DAAM2: variants seen among roughly 807,000 people sequenced by gnomAD.
DAAM2 encodes dishevelled associated activator of morphogenesis 2, also known as disheveled-associated activator of morphogenesis 2.
DAAM2 carries 39 observed loss-of-function variants against 120.7 expected under a neutral mutation model. The ratio of observed to expected loss-of-function variants is 0.32; its 90% CI spans 0.25 to 0.42. The LOEUF (loss-of-function observed/expected upper bound fraction) is 0.42. Among genes scored for constraint, DAAM2 ranks in the 10% least tolerant of loss-of-function variants. DAAM2 has a pLI of 1.00. For missense variants in DAAM2, 1,283 were observed against 1,401.7 expected (o/e 0.92, Z 1.35); for synonymous variants, 488 against 524.9 (o/e 0.93, Z 0.96).
chr6:39,856,110 C>CGGG, intron 1 of DAAM2, 137 bp from the exon 2 acceptor site: 1 of 412,844 alleles, frequency 2.4e-6, no homozygotes, highest in Non-Finnish European at 3.7e-6. Context: ...GGGGCGACAG[C>CGGG]GGGGTGGGTG....
intron 3 of DAAM2, chr6:39,862,280 A>C (rs1056251367): frequency 3.3e-5 from 5 of 152,250 alleles, no homozygotes; most frequent in African/African-American, 1.2e-4. Flanking sequence ...TGTCTAGTAT[A>C]CTCAATGCAT....
chr6:39,878,106 A>C lies in DAAM2; in HGVS notation c.1302-97A>C, dbSNP rs1764945449. ...GATGTGGCTGGACAGATTGGAGACC[A>C]GGGTCCCCACCTGGAGGGTAGAAAG... On this transcript the variant is annotated intron_variant, in intron 11 of 24. Coordinates refer to ENST00000274867, the MANE Select transcript of DAAM2 (RefSeq NM_001201427.2). This position sits in a 1 kb window ranked among gnomAD's most constrained non-coding sequence, Gnocchi z 5.0. The C allele has an allele frequency of 2.3e-6, 3 of 1,288,222 alleles. No homozygotes were observed. The highest frequency in any genetic ancestry group is 3.3e-6 in the Non-Finnish European group (3 of 910,122). The allele number at this position is 1,288,222 out of a possible 1,614,324, so 79.8% of individuals were successfully genotyped here.
intron 3 of DAAM2, chr6:39,861,367 A>T: frequency 2.7e-6 from 1 of 373,676 alleles, no homozygotes; most frequent in East Asian, 6.7e-5. Flanking sequence ...GCTTTGCTAT[A>T]AGAAATCAGT....
intron 19 of DAAM2, among the ~76,000 whole-genome samples, chr6:39,896,343 T>C (rs1766088955): frequency 6.6e-6 from 1 of 152,004 alleles, no homozygotes; most frequent in Non-Finnish European, 1.5e-5. Flanking sequence ...TCTGGGATTA[T>C]AGGCATGCAC....
chr6:39,826,896 G>T (rs1762693868), intron 1 of DAAM2, among the ~76,000 whole-genome samples: 1 of 152,142 alleles, frequency 6.6e-6, no homozygotes, highest in African/African-American at 2.4e-5. Context: ...GAGAAAATCT[G>T]AGGTGAGGAA....
At chr6:39,831,536 C>T (rs998863017) in intron 1 of DAAM2, among the ~76,000 whole-genome samples, 1 of 151,760 alleles carries the variant, frequency 6.6e-6, no homozygotes, top group South Asian at 2.1e-4. Flanking sequence ...GATGACACAG[C>T]AGATAAGAAG....
intron 1 of DAAM2, among the ~76,000 whole-genome samples, chr6:39,837,621 C>A (rs1022677663): frequency 7.0e-6 from 1 of 142,628 alleles, no homozygotes; most frequent in African/African-American, 2.7e-5. Context: ...CGAGATCGCA[C>A]CATTGCACTC....
At position 39,891,702 on chromosome 6, in the gene DAAM2, A is replaced by T. The variant is rs750113520; in HGVS notation, c.2321A>T (p.Glu774Val). 4.4e-6 allele frequency: 7 copies of T among 1,605,176 alleles called. No homozygotes were observed. In the South Asian group the frequency reaches 7.9e-5, roughly 18 times the overall value. Residue 774 changes from glutamate (E) to valine (V), a missense_variant, in exon 19 of 25, where the codon GAG becomes GTG. Glu to Val is a moderately radical substitution (Grantham distance 121). Around this residue, in one of 3 missense-constraint regions of DAAM2, gnomAD observed 748 missense variants for 768.6 expected, o/e 0.97. Coordinates refer to ENST00000274867, the MANE Select transcript of DAAM2 (RefSeq NM_001201427.2). ...AAGAAATTCCAGGAGCGGCTGGCTG[A>T]GGCAAAGCCCAAAGTGGAAGGTAGG... ...FKKKFQERLA[E>V]AKPKVEAILL...
At chr6:39,874,105 T>C (rs1764775171) in intron 10 of DAAM2, among the ~76,000 whole-genome samples, 1 of 152,190 alleles carries the variant, frequency 6.6e-6, no homozygotes, top group African/African-American at 2.4e-5. Flanking sequence ...CCAGGCGTGA[T>C]GTGAGGTCCT....
At chr6:39,816,064 A>C (rs188380265) in intron 1 of DAAM2, among the ~76,000 whole-genome samples, 19 of 152,336 alleles carry the variant, frequency 1.2e-4, no homozygotes, top group Non-Finnish European at 2.2e-4. Flanking sequence ...TCCTACTGAC[A>C]TGAACTGTGC....
intron 19 of DAAM2, among the ~76,000 whole-genome samples, chr6:39,892,721 C>A (rs1277285044): frequency 6.6e-6 from 1 of 152,122 alleles, no homozygotes; most frequent in Non-Finnish European, 1.5e-5. Context: ...TGCTGGACAC[C>A]AGGGCCAGTC....
chr6:39,855,975 T>C (rs987933113), intron 1 of DAAM2: 1 of 951,056 alleles, frequency 1.1e-6, no homozygotes, highest in Non-Finnish European at 1.3e-6. Flanking sequence ...TGTCCTTCTC[T>C]GAGGGCAAGG....
At chr6:39,893,913 T>C (rs1765906449) in intron 19 of DAAM2, among the ~76,000 whole-genome samples, 1 of 152,216 alleles carries the variant, frequency 6.6e-6, no homozygotes, top group Non-Finnish European at 1.5e-5. Context: ...TGTTGACACC[T>C]GCCCTCCTAT....
chr6:39,870,422 A>T lies in DAAM2; in HGVS notation c.956A>T (p.His319Leu). 1.3e-6 allele frequency: 2 copies of T among 1,580,526 alleles called. No individual in the cohort carries two copies. The highest frequency in any genetic ancestry group is 1.7e-6 in the Non-Finnish European group (2 of 1,161,582). ...CCTGTGATTGACAAGCTCCGGCAAC[A>T]TGAAAATGCCATCCTGGACAAGTAA... ...IQPVIDKLRQ[H>L]ENAILDKHLD... Residue 319 changes from histidine (H) to leucine (L), a missense_variant, in exon 8 of 25, where the codon CAT (histidine) becomes CTT (leucine). This residue lies in a region of DAAM2 where 338 missense variants were observed against 443.9 expected (regional missense o/e 0.76). Transcript: ENST00000274867.
intron 19 of DAAM2, among the ~76,000 whole-genome samples, chr6:39,895,519 T>A (rs7753175): frequency 0.09 from 13,675 of 152,180 alleles, 1,260 homozygotes; most frequent in East Asian, 0.25. Context: ...AGCTTCTTTT[T>A]AACAGTTACT....
chr6:39,895,424 T>C (rs901242235), intron 19 of DAAM2, among the ~76,000 whole-genome samples: 12 of 151,968 alleles, frequency 7.9e-5, no homozygotes, highest in Middle Eastern at 3.4e-3. Flanking sequence ...TTAGTAGAGA[T>C]GGGGTTTCAC....
intron 1 of DAAM2, chr6:39,793,210 C>A: frequency 6.6e-6 from 1 of 152,456 alleles, no homozygotes; most frequent in Non-Finnish European, 1.5e-5. Flanking sequence ...CGCTGTGGCC[C>A]TGTGTCCAGC....
intron 1 of DAAM2, among the ~76,000 whole-genome samples, chr6:39,795,219 A>G (rs1188360509): frequency 6.6e-6 from 1 of 152,236 alleles, no homozygotes; most frequent in Non-Finnish European, 1.5e-5. Flanking sequence ...ATTCCAAGAC[A>G]TCCTTGAAGG....
chr6:39,883,069 C>T (rs1245975412), intron 14 of DAAM2, among the ~76,000 whole-genome samples: 1 of 152,104 alleles, frequency 6.6e-6, no homozygotes, highest in African/African-American at 2.4e-5. Flanking sequence ...TGCTGAAGGA[C>T]AGCAAAGCTC....
Sources: gnomAD v4.1 joint callset for allele counts (sites outside exome capture counted in the v4.1 genomes callset) on GRCh38, gnomAD v4.1.1 for gene constraint, gnomAD v4.1.1 regional missense constraint, Gnocchi (gnomAD v3.1) non-coding constraint, MANE v1.5 for transcripts, NCBI Gene and HGNC (gene_info 2026-07-23, HGNC 2026-07-21) for gene names.